Variants in TBCD observed in about 807,000 individuals in gnomAD.
The protein encoded by TBCD is tubulin folding cofactor D.
In TBCD, 105 loss-of-function variants were observed where a neutral mutation model predicts 169.3. That is an observed-to-expected ratio of 0.62 (90% confidence interval 0.53 to 0.73). TBCD has a LOEUF of 0.73. TBCD is among the 30% of genes least tolerant of loss of function. TBCD has a pLI of 0.00. For missense variants in TBCD, 1,444 were observed against 1,600.1 expected (o/e 0.90, Z 1.66); for synonymous variants, 700 against 643.9 (o/e 1.09, Z -1.32).
chr17:82,757,069 C>G lies in TBCD; in HGVS notation c.235+854C>G, dbSNP rs938794777. On this transcript the variant is annotated intron_variant, in intron 2 of 38. Transcript: ENST00000355528. ...TTTCTACCTACAAATGTGACACATG[C>G]TTCTGGCAGTTCACCTGGGAAAGAG... Among the ~76,000 whole-genome samples, 4 of 152,206 alleles carry G rather than the reference C, an allele frequency of 2.6e-5. No individual in the cohort carries two copies. In the East Asian group the frequency reaches 7.7e-4, roughly 29 times the overall value.
rs78375723 is a variant in TBCD at position 82,928,296 on chromosome 17, C to T, written c.2693+308C>T. Reference sequence around the variant, plus strand: ...GACAGCCAGCTTCCCGGGGTAGGGCCGGGCAGGAGGTGGGGACTTCTCAGC... The same window carrying T: ...GACAGCCAGCTTCCCGGGGTAGGGCTGGGCAGGAGGTGGGGACTTCTCAGC... On this transcript the variant is annotated intron_variant, in intron 30 of 38. Coordinates refer to ENST00000355528, the MANE Select transcript of TBCD (RefSeq NM_005993.5). 1.9e-3 allele frequency among the ~76,000 whole-genome samples: 282 copies of T among 152,278 alleles called. 1 individual carries two copies. The highest frequency in any genetic ancestry group is 3.6e-3 in the Non-Finnish European group (242 of 68,012).
rs1342819853 is a variant in TBCD, at chr17:82,903,669, G to C, written c.1804+191G>C. On this transcript the variant is annotated intron_variant, in intron 19 of 38. Transcript: ENST00000355528. This position sits in a 1 kb window ranked among gnomAD's most constrained non-coding sequence, Gnocchi z 4.8. ...ACGGATGCGGTGAGTGTGTCCGCCT[G>C]CAGGGCAGGGAGCCGCTGAACTGTG... 6.6e-6 allele frequency among the ~76,000 whole-genome samples: 1 copy of C among 152,226 alleles called. No homozygotes were observed. The highest frequency in any genetic ancestry group is 1.5e-5 in the Non-Finnish European group (1 of 68,038).
At chr17:82,834,893 C>A (rs1346850666) in intron 13 of TBCD, among the ~76,000 whole-genome samples, 1 of 151,790 alleles carries the variant, frequency 6.6e-6, no homozygotes, top group African/African-American at 2.4e-5. Context: ...AAAAAAAATA[C>A]ATTAAAGTAA....
chr17:82,939,358 C>T lies in TBCD; in HGVS notation c.3370-9C>T, dbSNP rs773095279. The T allele has an allele frequency of 4.4e-6, 7 of 1,607,130 alleles. No individual in the cohort carries two copies. The East Asian group carries it at 1.1e-4, about 26-fold the overall frequency. The stretch of plus-strand genomic sequence containing the variant: ...TCCCTCCGGCAAATGCACTGCATCC[C>T]TGTCCCAGATCCGGAAGACCACGGC... On this transcript the variant is annotated splice_polypyrimidine_tract_variant and intron_variant, in intron 36 of 38. Coordinates refer to ENST00000355528, the MANE Select transcript of TBCD (RefSeq NM_005993.5).
chr17:82,846,521 C>T (rs1380907574), intron 13 of TBCD, among the ~76,000 whole-genome samples: 1 of 152,206 alleles, frequency 6.6e-6, no homozygotes, highest in Non-Finnish European at 1.5e-5. Flanking sequence ...CTCTGCCTTC[C>T]GTCCCTGGCG....
intron 7 of TBCD, among the ~76,000 whole-genome samples, chr17:82,790,641 C>T (rs1286587343): frequency 1.3e-5 from 2 of 152,178 alleles, no homozygotes; most frequent in Non-Finnish European, 2.9e-5. Context: ...TGCACCCTGC[C>T]GCCCCCAGCA....
chr17:82,839,604 G>C (rs2054294938), intron 13 of TBCD, among the ~76,000 whole-genome samples: 1 of 152,162 alleles, frequency 6.6e-6, no homozygotes, highest in African/African-American at 2.4e-5. Context: ...ATTTATTGTA[G>C]TTTGTTTTTG....
rs781013042 is a variant in TBCD at position 82,870,415 on chromosome 17, G to C, written c.1475+35G>C. On this transcript the variant is annotated intron_variant, in intron 14 of 38. Transcript: ENST00000355528. ...TTCGTCGAGGTACATCGGATGCGCC[G>C]TGCCCCCTGACGGCGCCGTGTGTCG... The C allele has an allele frequency of 2.5e-6, 4 of 1,599,758 alleles. No homozygotes were observed. In the Admixed American group the frequency reaches 6.9e-5, roughly 27 times the overall value.
intron 7 of TBCD, among the ~76,000 whole-genome samples, chr17:82,791,735 G>C (rs2049744654): frequency 6.6e-6 from 1 of 152,228 alleles, no homozygotes; most frequent in East Asian, 1.9e-4. Flanking sequence ...AATGCTGAGT[G>C]AGTCATGAAA....
At chr17:82,940,236 C>CACTCACACAT (rs1777622846) in intron 37 of TBCD, among the ~76,000 whole-genome samples, 1 of 151,934 alleles carries the variant, frequency 6.6e-6, no homozygotes, top group Admixed American at 6.6e-5. Context: ...CACACACACA[C>CACTCACACAT]ACACACACAC....
chr17:82,887,344 G>A (rs1028507001), intron 15 of TBCD, among the ~76,000 whole-genome samples: 24 of 151,982 alleles, frequency 1.6e-4, no homozygotes, highest in African/African-American at 4.6e-4. Context: ...GGCAGCCACC[G>A]GTCGGCTCTC....
Position 82,939,839 on chromosome 17 carries a change from G to A in TBCD, c.3479+363G>A, listed in dbSNP as rs931877144. Among the ~76,000 whole-genome samples, 42 of 152,318 alleles carry A rather than the reference G, an allele frequency of 2.8e-4. 1 individual carries two copies. Among genetic ancestry groups the A allele is most frequent in the African/African-American group, 6.5e-4 (27 of 41,572 alleles). On this transcript the variant is annotated intron_variant, in intron 37 of 38. Transcript: ENST00000355528. ...CTCTAAAGTTCTCTTGGAATAGGCC[G>A]TGTGAGCACCTGTTGGAAATCAAGA...
Position 82,789,945 on chromosome 17 carries a change from C to T in TBCD, c.772-7812C>T, listed in dbSNP as rs548058326. Reference sequence around the variant, plus strand: ...GTGCATACGGCCCAGGAGCCGGGCTCATCCCCGAGACGCCGTGTTCCCTCC... The same window carrying T: ...GTGCATACGGCCCAGGAGCCGGGCTTATCCCCGAGACGCCGTGTTCCCTCC... On this transcript the variant is annotated intron_variant, in intron 7 of 38. Coordinates refer to ENST00000355528, the MANE Select transcript of TBCD (RefSeq NM_005993.5). This position sits in a 1 kb window ranked among gnomAD's most constrained non-coding sequence, Gnocchi z 4.8. 7.2e-5 allele frequency among the ~76,000 whole-genome samples: 11 copies of T among 152,360 alleles called. No individual in the cohort carries two copies. The highest frequency in any genetic ancestry group is 2.1e-4 in the South Asian group (1 of 4,828).
chr17:82,757,635 A>C (rs2047473673), intron 2 of TBCD, among the ~76,000 whole-genome samples: 1 of 146,114 alleles, frequency 6.8e-6, no homozygotes, highest in Admixed American at 6.6e-5. Context: ...AAAAAAAAAA[A>C]ACCAAAAAAA....
Position 82,818,704 on chromosome 17 carries a change from G to A in TBCD, c.1318+3770G>A, listed in dbSNP as rs554871321. Among the ~76,000 whole-genome samples, 3 of 152,332 alleles carry A rather than the reference G, an allele frequency of 2.0e-5. No individual in the cohort carries two copies. In the South Asian group the frequency reaches 6.2e-4, roughly 32 times the overall value. ...CCCTTCGGCCTCCTCCATGTCACAC[G>A]GCTGAGCTGTCCCTGCACCTCCTTG... is the stretch of plus-strand genomic sequence containing the variant. On this transcript the variant is annotated intron_variant, in intron 13 of 38. Transcript: ENST00000355528.
chr17:82,823,560 A>G (rs2052585016), intron 13 of TBCD, among the ~76,000 whole-genome samples: 1 of 146,780 alleles, frequency 6.8e-6, no homozygotes, highest in South Asian at 2.3e-4. Context: ...AGAACGTGGC[A>G]TTTTGGCTGA....
At chr17:82,917,019 C>CT (rs59331670) in intron 23 of TBCD, among the ~76,000 whole-genome samples, 53,447 of 108,344 alleles carry the variant, frequency 0.49, 14,740 homozygotes, top group Admixed American at 0.57. Flanking sequence ...TTTTTCTTTT[C>CT]TTTTCTTTTT....
intron 6 of TBCD, among the ~76,000 whole-genome samples, chr17:82,779,201 A>G (rs1479067626): frequency 6.6e-6 from 1 of 151,404 alleles, no homozygotes; most frequent in Non-Finnish European, 1.5e-5. Flanking sequence ...TTTAGTAGAG[A>G]TGGGGTGCAA....
At position 82,903,727 on chromosome 17, in the gene TBCD, G is replaced by A. The variant is rs1467173626; in HGVS notation, c.1804+249G>A. 2.0e-5 allele frequency among the ~76,000 whole-genome samples: 3 copies of A among 152,168 alleles called. No individual in the cohort carries two copies. The highest frequency in any genetic ancestry group is 2.9e-5 in the Non-Finnish European group (2 of 68,026). On this transcript the variant is annotated intron_variant, in intron 19 of 38. Coordinates refer to ENST00000355528, the MANE Select transcript of TBCD (RefSeq NM_005993.5). The surrounding 1 kb of genome is among the most constrained non-coding windows in gnomAD (Gnocchi z 4.8). The stretch of plus-strand genomic sequence containing the variant: ...CACCGGAGCCCGTGATGGTCCCGCC[G>A]GATGCCTGACATGCAGTGCTGCTTC...
Sources: allele counts gnomAD v4.1 joint callset (sites outside exome capture counted in the v4.1 genomes callset), GRCh38; gene constraint gnomAD v4.1.1; non-coding constraint Gnocchi (gnomAD v3.1); transcripts MANE v1.5; gene names NCBI Gene and HGNC (gene_info 2026-07-23, HGNC 2026-07-21).